The following ZNF761 variants were observed in gnomAD, a reference collection of about 807,000 sequenced individuals.
ZNF761 encodes zinc finger protein 761.
Under a neutral mutation model 59.9 loss-of-function variants are expected in ZNF761, and 43 were observed. The observed-to-expected ratio is 0.72, with a 90% confidence interval of 0.56 to 0.92. The LOEUF (loss-of-function observed/expected upper bound fraction) is 0.92. Among genes scored for constraint, ZNF761 ranks in the 40% least tolerant of loss-of-function variants. The pLI is 0.00. For synonymous variants in ZNF761, 294 were observed against 304.8 expected (o/e 0.96, Z 0.37); for missense variants, 850 against 906.1 (o/e 0.94, Z 0.79).
In ZNF761 at chr19:53,432,043, G is replaced by C. The variant is rs1245764917; in HGVS notation, c.-185+15G>C. On this transcript the variant is annotated intron_variant, in intron 1 of 4. Transcript: ENST00000684525. Reference sequence around the variant, plus strand: ...CACCGCGGCGCGTGAGTTTCGCCCTGTCTTGTATTAAGTCTGCTCTTCCAG... The same window carrying C: ...CACCGCGGCGCGTGAGTTTCGCCCTCTCTTGTATTAAGTCTGCTCTTCCAG... The C allele has an allele frequency of 2.0e-5, 3 of 152,888 alleles. No individual in the cohort carries two copies. Among genetic ancestry groups the C allele is most frequent in the Admixed American group, 6.5e-5 (1 of 15,276 alleles). The allele number at this position is 152,888 out of a possible 1,614,324, so 9.5% of individuals were successfully genotyped here.
intron 4 of ZNF761, among the ~76,000 whole-genome samples, chr19:53,451,644 G>A (rs1164503536): frequency 6.6e-6 from 1 of 151,506 alleles, no homozygotes; most frequent in Non-Finnish European, 1.5e-5. Context: ...GTGCGGTGGT[G>A]CGACCTCAGC....
At chr19:53,445,443 C>T (rs141671764) in intron 1 of ZNF761, among the ~76,000 whole-genome samples, 1,552 of 152,236 alleles carry the variant, frequency 0.01, 22 homozygotes, top group African/African-American at 0.035. Flanking sequence ...TTCAGGCACA[C>T]CTTCTCACTC....
chr19:53,440,945 G>A (rs369971966), intron 1 of ZNF761, among the ~76,000 whole-genome samples: 2 of 152,244 alleles, frequency 1.3e-5, no homozygotes, highest in African/African-American at 4.8e-5. Context: ...CAAAATACTG[G>A]GATTACAAGG....
chr19:53,434,317 G>A (rs2708787), intron 1 of ZNF761, among the ~76,000 whole-genome samples: 18,288 of 152,070 alleles, frequency 0.12, 1,206 homozygotes, highest in Middle Eastern at 0.15. Flanking sequence ...ATTGTAGACA[G>A]GATACCTTCA....
chr19:53,440,808 T>C (rs2086091289), intron 1 of ZNF761, among the ~76,000 whole-genome samples: 1 of 152,132 alleles, frequency 6.6e-6, no homozygotes. Context: ...CCTGAGTAGC[T>C]AAGGTCACAG....
In ZNF761 at chr19:53,449,402, T is replaced by G. The variant is rs560096764; in HGVS notation, c.16-110T>G. ...TGAAAAATCCCTTACTCAGATTTGT[T>G]AGAACATTCACTGCATTTAAATCCA... is the stretch of plus-strand genomic sequence containing the variant. On this transcript the variant is annotated intron_variant, in intron 3 of 4. Coordinates refer to ENST00000684525, the MANE Select transcript of ZNF761 (RefSeq NM_001289951.2). The G allele has an allele frequency of 1.9e-5, 30 of 1,607,110 alleles. No homozygotes were observed. The Middle Eastern group carries it at 4.9e-4, about 26-fold the overall frequency.
chr19:53,433,109 C>T (rs921780292), intron 1 of ZNF761, among the ~76,000 whole-genome samples: 5 of 150,982 alleles, frequency 3.3e-5, no homozygotes, highest in Non-Finnish European at 7.4e-5. Flanking sequence ...GATGGTGTTG[C>T]GGGAAACTGA....
At chr19:53,436,758 A>G (rs2086046293) in intron 1 of ZNF761, among the ~76,000 whole-genome samples, 2 of 152,216 alleles carry the variant, frequency 1.3e-5, no homozygotes, top group Non-Finnish European at 2.9e-5. Context: ...GTCTTTTATC[A>G]GTACTTTAGT....
intron 1 of ZNF761, among the ~76,000 whole-genome samples, chr19:53,436,616 TTG>T (rs2086044838): frequency 6.6e-6 from 1 of 152,192 alleles, no homozygotes; most frequent in Non-Finnish European, 1.5e-5. Context: ...TCCTTGAACT[TTG>T]TGACTGATAG....
In ZNF761 at chr19:53,456,221, C is replaced by A. The variant is rs2147144957; in HGVS notation, c.1714C>A (p.His572Asn). The A allele has an allele frequency of 6.2e-7, 1 of 1,613,920 alleles. No homozygotes were observed. Among genetic ancestry groups the A allele is most frequent in the Non-Finnish European group, 8.5e-7 (1 of 1,179,988 alleles). ...QLTLKRHRRL[H>N]SGENPYKCED... is the part of the protein sequence containing the mutation. ...AACCCTTAAACGCCATCGTAGACTT[C>A]ATAGTGGAGAGAACCCTTACAAATG... is the stretch of plus-strand genomic sequence containing the variant. The change falls in exon 5 of 5, where the codon CAT (histidine) becomes AAT (asparagine). Residue 572 changes from histidine (H) to asparagine (N), a missense_variant. By Grantham distance (68) the His-to-Asn change is moderately conservative (BLOSUM62 1). Coordinates refer to ENST00000684525, the MANE Select transcript of ZNF761 (RefSeq NM_001289951.2).
chr19:53,450,618 T>A (rs2617729), intron 4 of ZNF761, among the ~76,000 whole-genome samples: 22,327 of 152,188 alleles, frequency 0.15, 1,700 homozygotes, highest in Admixed American at 0.19. Flanking sequence ...TTTGTTTGTT[T>A]GTTTATGATG....
intron 1 of ZNF761, among the ~76,000 whole-genome samples, chr19:53,434,518 G>A (rs2086015530): frequency 6.6e-6 from 1 of 152,122 alleles, no homozygotes; most frequent in Non-Finnish European, 1.5e-5. Flanking sequence ...AGAGAAACAG[G>A]AGAATGGGTT....
Position 53,457,036 on chromosome 19 carries a change from CACA to C in ZNF761, c.*292_*294del, listed in dbSNP as rs1352499841. ...GCTTTTGGGCATGATTCGCACCTGGCACAACATGCTAGAATTCACACTGGAGAG... is the reference window on the plus strand; with the variant it reads ...GCTTTTGGGCATGATTCGCACCTGGCACATGCTAGAATTCACACTGGAGAG... On this transcript the variant is annotated 3_prime_UTR_variant, in exon 5 of 5. Coordinates refer to ENST00000684525, the MANE Select transcript of ZNF761 (RefSeq NM_001289951.2). 3.1e-5 allele frequency: 18 copies of C among 587,654 alleles called. No homozygotes were observed. Among genetic ancestry groups the C allele is most frequent in the Non-Finnish European group, 4.6e-5 (15 of 326,838 alleles). 36.4% of individuals were successfully genotyped at this position (587,654 alleles called of 1,614,324 possible).
Position 53,457,003 on chromosome 19 carries a change from G to T in ZNF761, c.*255G>T, listed in dbSNP as rs372766571. Reference sequence around the variant, plus strand: ...AGAAACCATAAAAATGTAAGAGTTTGTGACAAGGCTTTTGGGCATGATTCG... The same window carrying T: ...AGAAACCATAAAAATGTAAGAGTTTTTGACAAGGCTTTTGGGCATGATTCG... On this transcript the variant is annotated 3_prime_UTR_variant, in exon 5 of 5. Coordinates refer to ENST00000684525, the MANE Select transcript of ZNF761 (RefSeq NM_001289951.2). The T allele has an allele frequency of 2.3e-5, 16 of 688,040 alleles. No individual in the cohort carries two copies. The East Asian group carries it at 4.7e-4, about 20-fold the overall frequency. The allele number at this position is 688,040 out of a possible 1,614,324, so 42.6% of individuals were successfully genotyped here.
At position 53,457,691 on chromosome 19, in the gene ZNF761, T is replaced by A. The variant is rs1368636750; in HGVS notation, c.*943T>A. On this transcript the variant is annotated 3_prime_UTR_variant, in exon 5 of 5. Coordinates refer to ENST00000684525, the MANE Select transcript of ZNF761 (RefSeq NM_001289951.2). ...AAGCATTAATTGACATTAGTGTTTA[T>A]GTTAAGAGGATTGGGCCAGGCACAT... 2 of 217,684 alleles carry A rather than the reference T, an allele frequency of 9.2e-6. No homozygotes were observed. Among genetic ancestry groups the A allele is most frequent in the African/African-American group, 4.8e-5 (2 of 41,952 alleles). 13.5% of individuals were successfully genotyped at this position (217,684 alleles called of 1,614,324 possible). A position where few individuals can be genotyped will look rare whatever the true frequency, so the allele number is the denominator to read the frequency against.
intron 4 of ZNF761, chr19:53,450,209 A>C (rs1302519435): frequency 5.4e-6 from 1 of 185,862 alleles, no homozygotes; most frequent in African/African-American, 2.3e-5. Context: ...AGGCTGAAGC[A>C]GGAGGATCAC....
rs770036125 is a variant in ZNF761, at chr19:53,455,542, T to A, written c.1035T>A (p.His345Gln). The change falls in exon 5 of 5, where the codon CAT becomes CAA. Residue 345 changes from histidine to glutamine, a missense_variant. Coordinates refer to ENST00000684525, the MANE Select transcript of ZNF761 (RefSeq NM_001289951.2). Reference sequence around the variant, plus strand: ...AGAAGTCAATCCTTACACGCCATCATCGACTTCATACTGGAGAGAAACCTT... The same window carrying A: ...AGAAGTCAATCCTTACACGCCATCAACGACTTCATACTGGAGAGAAACCTT... ...FRQKSILTRH[H>Q]RLHTGEKPYK... 6.2e-7 allele frequency: 1 copy of A among 1,613,054 alleles called. No homozygotes were observed. Among genetic ancestry groups the A allele is most frequent in the South Asian group, 1.1e-5 (1 of 90,916 alleles).
At position 53,448,104 on chromosome 19, in the gene ZNF761, T is replaced by A. The variant is rs571711417; in HGVS notation, c.15+821T>A. Among the ~76,000 whole-genome samples, 13 of 152,230 alleles carry A rather than the reference T, an allele frequency of 8.5e-5. No homozygotes were observed. In the East Asian group the frequency reaches 2.5e-3, roughly 29 times the overall value. On this transcript the variant is annotated intron_variant, in intron 3 of 4. Coordinates refer to ENST00000684525, the MANE Select transcript of ZNF761 (RefSeq NM_001289951.2). ...GGAACCTCCACCTTCCGGGTTCAAG[T>A]GATTCTCCTGCCTCAGCCTCCCAAG...
Position 53,455,891 on chromosome 19 carries a change from G to T in ZNF761, c.1384G>T (p.Gly462Ter). The change falls in exon 5 of 5, where the codon GGA becomes TGA. Residue 462 changes from glycine (G) to a stop codon, truncating the protein, a stop_gained. Transcript: ENST00000684525. LOFTEE classifies it high-confidence loss of function. ...SLTCHRRRHT[G>*]EQPYKCEECD... is the part of the protein sequence containing the mutation. ...TACATGCCATCGTAGACGTCATACT[G>T]GAGAGCAACCTTACAAATGTGAAGA... The T allele has an allele frequency of 6.2e-7, 1 of 1,613,954 alleles. No homozygotes were observed.
Sources: gnomAD v4.1 joint callset for allele counts (sites outside exome capture counted in the v4.1 genomes callset) on GRCh38, gnomAD v4.1.1 for gene constraint, MANE v1.5 for transcripts, NCBI Gene and HGNC (gene_info 2026-07-23, HGNC 2026-07-21) for gene names.